Variants in GPHN observed in about 807,000 individuals in gnomAD.
GPHN encodes gephyrin.
Under a neutral mutation model 95.5 loss-of-function variants are expected in GPHN, and 17 were observed. The observed-to-expected ratio is 0.18, with a 90% CI of 0.12 to 0.27. GPHN has a LOEUF of 0.27. GPHN is among the 10% of genes least tolerant of loss of function. The probability of loss-of-function intolerance (pLI) is 1.00; values close to 1 mark genes in which losing one functional copy is unlikely to be tolerated. For missense variants in GPHN, 660 were observed against 978.1 expected, an observed-to-expected ratio of 0.67 and a Z score of 4.34; for synonymous variants, 320 against 322.5, an observed-to-expected ratio of 0.99 and a Z score of 0.08.
At chr14:66,757,997 C>T (rs768391927) in intron 2 of GPHN, among the ~76,000 whole-genome samples, 5 of 152,202 alleles carry the variant, frequency 3.3e-5, no homozygotes, top group East Asian at 1.9e-4. Context: ...GAAAATTCCC[C>T]GTGTAGCTGG....
the GPHN span, among the ~76,000 whole-genome samples, chr14:67,309,302 A>C: frequency 7.7e-4 from 118 of 152,328 alleles, no homozygotes; most frequent in African/African-American, 2.8e-3. Context: ...AATCAGTGGA[A>C]TATATGGATA....
intron 11 of GPHN, among the ~76,000 whole-genome samples, chr14:67,087,784 A>G (rs577248779): frequency 6.6e-6 from 1 of 152,344 alleles, no homozygotes; most frequent in East Asian, 1.9e-4. Flanking sequence ...AGCTCCGGAA[A>G]CAATGAAATT....
At chr14:66,883,168 TA>T (rs1373022981) in intron 5 of GPHN, among the ~76,000 whole-genome samples, 1 of 151,930 alleles carries the variant, frequency 6.6e-6, no homozygotes, top group African/African-American at 2.4e-5. Flanking sequence ...GATTTTTTGG[TA>T]ATGTCTCACA....
the GPHN span, among the ~76,000 whole-genome samples, chr14:67,667,088 T>A: frequency 6.6e-6 from 1 of 152,136 alleles, no homozygotes; most frequent in Admixed American, 6.6e-5. Context: ...TGTGAGGGAC[T>A]CTCTGGGACC....
chr14:67,668,043 T>C, the GPHN span, among the ~76,000 whole-genome samples: 2 of 152,202 alleles, frequency 1.3e-5, no homozygotes, highest in Non-Finnish European at 2.9e-5. Flanking sequence ...CTGATTATAG[T>C]ACTCCATAGT....
intron 4 of GPHN, among the ~76,000 whole-genome samples, chr14:66,877,034 TAC>T (rs1439280717): frequency 2.6e-5 from 4 of 152,152 alleles, no homozygotes; most frequent in Non-Finnish European, 5.9e-5. Context: ...AAAAAGCTTA[TAC>T]ACCACAATCA....
At chr14:66,606,066 C>G (rs756594611) in intron 1 of GPHN, among the ~76,000 whole-genome samples, 8 of 152,004 alleles carry the variant, frequency 5.3e-5, no homozygotes, top group Non-Finnish European at 7.4e-5. Flanking sequence ...AATTCTTTGC[C>G]AAACCTGATG....
chr14:66,879,909 C>T (rs2063850350), intron 4 of GPHN, 30 bp from the exon 5 acceptor site: 6 of 1,405,870 alleles, frequency 4.3e-6, no homozygotes, highest in South Asian at 1.2e-5. Flanking sequence ...GCTTATTTCA[C>T]TCAGTCTGCT....
chr14:66,538,341 G>A (rs1250419906), intron 1 of GPHN, among the ~76,000 whole-genome samples: 6 of 151,236 alleles, frequency 4.0e-5, no homozygotes, highest in Admixed American at 1.3e-4. Context: ...TTTTTTATCA[G>A]CCTTGGAAAA....
the GPHN span, among the ~76,000 whole-genome samples, chr14:67,407,601 T>C: frequency 7.2e-5 from 11 of 151,864 alleles, no homozygotes; most frequent in South Asian, 2.3e-3. Context: ...CCACCATGAC[T>C]GGCTAATTAT....
chr14:66,656,304 A>G (rs1331946230), intron 1 of GPHN, among the ~76,000 whole-genome samples: 1 of 48 alleles, frequency 0.021, no homozygotes, highest in African/African-American at 0.1. Flanking sequence ...CTGATTTCAC[A>G]TTGGGTGAGT....
At chr14:66,756,930 A>T (rs2153450712) in intron 2 of GPHN, among the ~76,000 whole-genome samples, 1 of 152,350 alleles carries the variant, frequency 6.6e-6, no homozygotes, top group African/African-American at 2.4e-5. Flanking sequence ...CCTGACAATT[A>T]ATGAAGTAGC....
At chr14:67,405,224 C>CAAAAAA in the GPHN span, among the ~76,000 whole-genome samples, 20 of 40,248 alleles carry the variant, frequency 5.0e-4, no homozygotes, top group Non-Finnish European at 6.5e-4. Context: ...GAGTCCATCT[C>CAAAAAA]AAAAAAAAAA....
chr14:67,105,997 T>C (rs1341831630), intron 13 of GPHN, among the ~76,000 whole-genome samples: 1 of 152,158 alleles, frequency 6.6e-6, no homozygotes, highest in Non-Finnish European at 1.5e-5. Context: ...CCAGTGAGTT[T>C]TATGCTTGTG....
At chr14:66,976,212 A>T (rs940317414) in intron 9 of GPHN, among the ~76,000 whole-genome samples, 3 of 152,156 alleles carry the variant, frequency 2.0e-5, no homozygotes, top group Admixed American at 6.5e-5. Flanking sequence ...TGAAATATTG[A>T]TTTCTCTCGA....
At chr14:66,723,408 G>A (rs1034902488) in intron 2 of GPHN, among the ~76,000 whole-genome samples, 9 of 148,138 alleles carry the variant, frequency 6.1e-5, no homozygotes, top group East Asian at 2.0e-4. Flanking sequence ...ATAAGTTAAC[G>A]TGCTTTCATC....
At chr14:67,085,068 A>G (rs938825234) in intron 11 of GPHN, among the ~76,000 whole-genome samples, 3 of 152,252 alleles carry the variant, frequency 2.0e-5, no homozygotes, top group Non-Finnish European at 4.4e-5. Context: ...CATTTAAATA[A>G]CTACATTATT....
chr14:67,512,661 C>T, the GPHN span, among the ~76,000 whole-genome samples: 5 of 152,158 alleles, frequency 3.3e-5, no homozygotes, highest in Admixed American at 6.5e-5. Flanking sequence ...CAAGCTGCCT[C>T]ACTCTACTGC....
rs141094776 is a variant in GPHN, at chr14:66,978,566, C to T, written c.963+13241C>T. ...ATCATGAGTATCACAGTAATTCAGT[C>T]GCAACTTCAGGCTCCCCTTCTAATT... is the stretch of plus-strand genomic sequence containing the variant. On this transcript the variant is annotated intron_variant, in intron 9 of 22. Coordinates refer to ENST00000478722, the MANE Select transcript of GPHN (RefSeq NM_020806.5). 9.2e-5 allele frequency among the ~76,000 whole-genome samples: 14 copies of T among 152,228 alleles called. 1 individual carries two copies. The East Asian group carries it at 2.7e-3, about 29-fold the overall frequency.
Sources: allele counts gnomAD v4.1 joint callset (sites outside exome capture counted in the v4.1 genomes callset), GRCh38; gene constraint gnomAD v4.1.1; transcripts MANE v1.5; gene names NCBI Gene and HGNC (gene_info 2026-07-23, HGNC 2026-07-21).